The following SLC35A3 variants were observed in gnomAD, a reference collection of about 807,000 sequenced individuals.
SLC35A3 encodes the protein solute carrier family 35 member A3.
In SLC35A3, 26 loss-of-function variants were observed where a neutral mutation model predicts 39.0. The observed-to-expected ratio is 0.67, with a 90% CI of 0.49 to 0.92. SLC35A3 has a LOEUF of 0.92. Among genes scored for constraint, SLC35A3 ranks in the 40% least tolerant of loss-of-function variants. The probability of loss-of-function intolerance (pLI) is 0.00; values close to 1 mark genes in which losing one functional copy is unlikely to be tolerated. For synonymous variants in SLC35A3, 135 were observed against 133.1 expected (o/e 1.01, Z -0.10); for missense variants, 299 against 371.6 (o/e 0.80, Z 1.61).
intron 4 of SLC35A3, among the ~76,000 whole-genome samples, 179 bp from the exon 5 acceptor site, chr1:100,011,181 ATATAT>A (rs1570614880): frequency 6.6e-6 from 1 of 152,150 alleles, no homozygotes; most frequent in African/African-American, 2.4e-5. Context: ...TAAGTTAGTA[ATATAT>A]TATCACTGTG....
Position 100,026,831 on chromosome 1 carries a change from T to G in SLC35A3, c.*4355T>G, listed in dbSNP as rs1307596751. On this transcript the variant is annotated 3_prime_UTR_variant, in exon 8 of 8. Coordinates refer to ENST00000533028, the MANE Select transcript of SLC35A3 (RefSeq NM_012243.3). ...GTAATTTGTATATTTAAATTTTTTA[T>G]GGACATAATTCAAAGGAATGTATAA... 3.1e-5 allele frequency: 6 copies of G among 191,962 alleles called. No homozygotes were observed. Among genetic ancestry groups the G allele is most frequent in the Admixed American group, 1.8e-4 (3 of 16,570 alleles). 11.9% of individuals were successfully genotyped at this position (191,962 alleles called of 1,614,324 possible).
rs1425891021 is a variant in SLC35A3, at chr1:100,034,228, G to A, written c.*11752G>A. ...CTATGATCCTTTTTATCTCATTTTTGTTCTCATAGCTGTTTTATTCCTCTT... is the reference window on the plus strand; with the variant it reads ...CTATGATCCTTTTTATCTCATTTTTATTCTCATAGCTGTTTTATTCCTCTT... On this transcript the variant is annotated 3_prime_UTR_variant, in exon 8 of 8. Transcript: ENST00000533028. 3 of 151,484 alleles carry A rather than the reference G, an allele frequency of 2.0e-5. No homozygotes were observed. The highest frequency in any genetic ancestry group is 7.3e-5 in the African/African-American group (3 of 41,218). The allele number at this position is 151,484 out of a possible 1,614,324, so 9.4% of individuals were successfully genotyped here.
At chr1:100,018,831 A>G (rs1245704810) in intron 7 of SLC35A3, among the ~76,000 whole-genome samples, 1 of 152,236 alleles carries the variant, frequency 6.6e-6, no homozygotes, top group Non-Finnish European at 1.5e-5. Context: ...TTGGCACTAT[A>G]AAAATATAAT....
Position 99,993,565 on chromosome 1 carries a change from A to C in SLC35A3, c.11A>C (p.Asn4Thr), listed in dbSNP as rs1658214274. 5 of 1,613,818 alleles carry C rather than the reference A, an allele frequency of 3.1e-6. No homozygotes were observed. Among genetic ancestry groups the C allele is most frequent in the Non-Finnish European group, 4.2e-6 (5 of 1,179,890 alleles). ...AATGAAGATAAAACAATGTTCGCCA[A>C]CCTAAAATACGTTTCCCTGGGAATT... MFA[N>T]LKYVSLGILV... The change falls in exon 2 of 8, where the codon AAC (asparagine) becomes ACC (threonine). Residue 4 changes from asparagine (N) to threonine (T), a missense_variant. By Grantham distance (65) the Asn-to-Thr change is moderately conservative. Transcript: ENST00000533028.
rs1247307167 is a variant in SLC35A3 at position 100,033,004 on chromosome 1, TTTAA to T, written c.*10531_*10534del. ...TACCTTTTAAGGGGAGTGGGATTTA[TTTAA>T]TTTTTTCTTTGGAGTCCTTCTAGCC... On this transcript the variant is annotated 3_prime_UTR_variant, in exon 8 of 8. Coordinates refer to ENST00000533028, the MANE Select transcript of SLC35A3 (RefSeq NM_012243.3). 1 of 152,232 alleles carries T rather than the reference TTTAA, an allele frequency of 6.6e-6. No homozygotes were observed. Among genetic ancestry groups the T allele is most frequent in the Non-Finnish European group, 1.5e-5 (1 of 68,046 alleles). 9.4% of individuals were successfully genotyped at this position (152,232 alleles called of 1,614,324 possible). A position where few individuals can be genotyped will look rare whatever the true frequency, so the allele number is the denominator to read the frequency against.
chr1:100,019,887 G>C (rs1444084519), intron 7 of SLC35A3, among the ~76,000 whole-genome samples: 4 of 151,996 alleles, frequency 2.6e-5, no homozygotes, highest in Non-Finnish European at 4.4e-5. Context: ...TATTTTTCTT[G>C]TGCTTGTTAT....
chr1:100,010,554 G>A (rs915047198), intron 4 of SLC35A3, among the ~76,000 whole-genome samples: 5 of 152,112 alleles, frequency 3.3e-5, no homozygotes, highest in Non-Finnish European at 5.9e-5. Context: ...TTAGCTGGGT[G>A]TGGTTGTGTG....
chr1:99,976,072 A>G (rs751894537), intron 1 of SLC35A3, among the ~76,000 whole-genome samples: 1 of 152,096 alleles, frequency 6.6e-6, no homozygotes, highest in African/African-American at 2.4e-5. Context: ...AAAAACTCCA[A>G]AAAAACCCCA....
intron 3 of SLC35A3, among the ~76,000 whole-genome samples, chr1:100,004,818 C>T (rs1016689266): frequency 3.9e-5 from 6 of 152,218 alleles, no homozygotes; most frequent in Non-Finnish European, 8.8e-5. Context: ...TGGTGCACTG[C>T]AGTATCAAAC....
intron 2 of SLC35A3, among the ~76,000 whole-genome samples, chr1:99,998,943 C>T (rs1658577811): frequency 6.6e-6 from 1 of 152,042 alleles, no homozygotes; most frequent in Non-Finnish European, 1.5e-5. Context: ...ACTAAGAATA[C>T]TTGGTTAACA....
In SLC35A3 at chr1:100,017,780, C is replaced by A. The variant is rs1307157611; in HGVS notation, c.852C>A (p.Ile284=). The change falls in exon 7 of 8, where the codon ATC becomes ATA. Residue 284 remains isoleucine (I), a synonymous_variant. Coordinates refer to ENST00000533028, the MANE Select transcript of SLC35A3 (RefSeq NM_012243.3). The part of the protein sequence containing the change: ...TSLSIILSTL[I]SYFWLQDFVP... ...TATCGATAATATTATCAACATTGAT[C>A]TCCTATTTTTGGCTTCAAGATTTTG... 1.3e-6 allele frequency: 2 copies of A among 1,574,282 alleles called. No individual in the cohort carries two copies. The highest frequency in any genetic ancestry group is 1.4e-5 in the African/African-American group (1 of 72,524).
chr1:99,979,616 G>A (rs1657330426), intron 1 of SLC35A3, among the ~76,000 whole-genome samples: 1 of 151,040 alleles, frequency 6.6e-6, no homozygotes, highest in Non-Finnish European at 1.5e-5. Flanking sequence ...TATATTTTTA[G>A]TAGAGACGGT....
chr1:99,971,790 T>TTGC (rs1321175579), intron 1 of SLC35A3, among the ~76,000 whole-genome samples: 2 of 152,228 alleles, frequency 1.3e-5, no homozygotes, highest in Non-Finnish European at 2.9e-5. Context: ...AAGGCCTTCC[T>TTGC]TGCTGTCTTT....
At chr1:99,973,350 G>A (rs1211990839) in intron 1 of SLC35A3, among the ~76,000 whole-genome samples, 1 of 152,112 alleles carries the variant, frequency 6.6e-6, no homozygotes, top group Non-Finnish European at 1.5e-5. Flanking sequence ...AATATGAATT[G>A]GTAGCTTAAC....
At chr1:100,004,576 G>A (rs903052129) in intron 3 of SLC35A3, among the ~76,000 whole-genome samples, 4 of 151,900 alleles carry the variant, frequency 2.6e-5, no homozygotes, top group Admixed American at 6.6e-5. Flanking sequence ...TGTGATTACA[G>A]GCACCTGGCC....
At chr1:99,999,464 CAT>C in intron 3 of SLC35A3, 49 bp downstream of exon 3, 2 of 1,269,432 alleles carry the variant, frequency 1.6e-6, no homozygotes, top group Non-Finnish European at 2.2e-6. Flanking sequence ...TTTTCTTATA[CAT>C]AATAATTGTA....
At chr1:100,004,721 A>G (rs547191431) in intron 3 of SLC35A3, among the ~76,000 whole-genome samples, 1 of 151,388 alleles carries the variant, frequency 6.6e-6, no homozygotes, top group Non-Finnish European at 1.5e-5. Context: ...AATTATTTCT[A>G]TTTTTTTTAT....
Position 100,016,375 on chromosome 1 carries a change from A to AT in SLC35A3, c.753+971dup, listed in dbSNP as rs35656354. Among the ~76,000 whole-genome samples the AT allele has an allele frequency of 7.1e-3, 573 of 81,152 alleles. 2 individuals are homozygous for AT. Among genetic ancestry groups the AT allele is most frequent in the East Asian group, 0.026 (57 of 2,202 alleles). 53.2% of individuals were successfully genotyped at this position (81,152 alleles called of 152,430 possible). A position where few individuals can be genotyped will look rare whatever the true frequency, so the allele number is the denominator to read the frequency against. On this transcript the variant is annotated intron_variant, in intron 6 of 7. Transcript: ENST00000533028. ...CACCGCGCCCGGCCCGGATACTTCT[A>AT]TTTTTTTTTTTTTTTTGAGACGGAG... is the stretch of plus-strand genomic sequence containing the variant.
At chr1:99,972,627 C>T (rs563328892) in intron 1 of SLC35A3, among the ~76,000 whole-genome samples, 1 of 152,154 alleles carries the variant, frequency 6.6e-6, no homozygotes, top group Non-Finnish European at 1.5e-5. Flanking sequence ...TGAGCCACCG[C>T]GCCCAGCCTG....
Sources: gnomAD v4.1 joint callset for allele counts (sites outside exome capture counted in the v4.1 genomes callset) on GRCh38, gnomAD v4.1.1 for gene constraint, MANE v1.5 for transcripts, NCBI Gene and HGNC (gene_info 2026-07-23, HGNC 2026-07-21) for gene names.